The following WWOX variants were observed in gnomAD, a reference collection of about 807,000 sequenced individuals.
The protein encoded by WWOX is WW domain-containing oxidoreductase.
WWOX carries 69 observed loss-of-function variants against 46.2 expected under a neutral mutation model. That is an observed-to-expected ratio of 1.49 (90% CI 1.23 to 1.82). WWOX has a LOEUF of 1.82. WWOX is among the 40% of genes most tolerant of loss of function. WWOX has a pLI of 0.00. For synonymous variants in WWOX, 359 were observed against 202.6 expected (o/e 1.77, Z -6.56); for missense variants, 919 against 542.6 (o/e 1.69, Z -6.89).
intron 8 of WWOX, among the ~76,000 whole-genome samples, chr16:79,030,648 C>G (rs1302284907): frequency 2.0e-5 from 3 of 152,318 alleles, no homozygotes; most frequent in East Asian, 3.9e-4. Flanking sequence ...CTTTGTTTGG[C>G]TTTGAAGCAT....
At chr16:78,879,603 C>A (rs537451631) in intron 8 of WWOX, among the ~76,000 whole-genome samples, 11 of 152,244 alleles carry the variant, frequency 7.2e-5, no homozygotes, top group African/African-American at 2.6e-4. Flanking sequence ...CCTGGCTGGG[C>A]ATGATGGTTC....
At chr16:78,597,900 C>A (rs911587003) in intron 8 of WWOX, among the ~76,000 whole-genome samples, 3 of 151,782 alleles carry the variant, frequency 2.0e-5, no homozygotes, top group Non-Finnish European at 4.4e-5. Flanking sequence ...CATATCAGAG[C>A]CTTTTCAGAC....
Position 78,551,820 on chromosome 16 carries a change from G to C in WWOX, c.1056+119068G>C, listed in dbSNP as rs184463393. 3.9e-5 allele frequency: 6 copies of C among 152,264 alleles called. No individual in the cohort carries two copies. In the East Asian group the frequency reaches 5.8e-4, roughly 15 times the overall value. The allele number at this position is 152,264 out of a possible 1,614,324, so 9.4% of individuals were successfully genotyped here. On this transcript the variant is annotated intron_variant, in intron 8 of 8. Transcript: ENST00000566780. ...CATGATTGCTCTTCATTTTACGCTC[G>C]AGATCAAAATAAACAGAAACCACTT...
At chr16:78,962,319 TTTTTTTTAAA>T (rs1264129045) in intron 8 of WWOX, among the ~76,000 whole-genome samples, 3,345 of 98,640 alleles carry the variant, frequency 0.034, 169 homozygotes, top group African/African-American at 0.12. Context: ...TTTTTTTTTT[TTTTTTTTAAA>T]AAAAAAAAAA....
chr16:79,048,220 C>T (rs1244612828), intron 8 of WWOX, among the ~76,000 whole-genome samples: 1 of 152,176 alleles, frequency 6.6e-6, no homozygotes, highest in African/African-American at 2.4e-5. Flanking sequence ...CAGGAGGGAG[C>T]TGACCTGTGT....
chr16:78,255,234 T>C (rs1269404136), intron 5 of WWOX, among the ~76,000 whole-genome samples: 2 of 152,220 alleles, frequency 1.3e-5, no homozygotes, highest in East Asian at 1.9e-4. Context: ...AGTCAGTTTC[T>C]GGCACACTAT....
At chr16:79,123,697 C>T (rs2049689209) in intron 8 of WWOX, among the ~76,000 whole-genome samples, 1 of 152,156 alleles carries the variant, frequency 6.6e-6, no homozygotes, top group South Asian at 2.1e-4. Flanking sequence ...GACCCTTTAC[C>T]TGTCAGCTGT....
At chr16:78,309,051 G>A (rs2080185421) in intron 5 of WWOX, among the ~76,000 whole-genome samples, 1 of 152,124 alleles carries the variant, frequency 6.6e-6, no homozygotes, top group African/African-American at 2.4e-5. Context: ...GATCTCAGGT[G>A]TTTAGTTAAT....
At chr16:78,982,198 A>C (rs890450824) in intron 8 of WWOX, among the ~76,000 whole-genome samples, 4 of 152,240 alleles carry the variant, frequency 2.6e-5, no homozygotes, top group Non-Finnish European at 5.9e-5. Context: ...TTTCGTGCAC[A>C]CACGCCTAAG....
chr16:78,520,850 C>T (rs2043332696), intron 8 of WWOX, among the ~76,000 whole-genome samples: 2 of 152,062 alleles, frequency 1.3e-5, no homozygotes, highest in Admixed American at 6.5e-5. Context: ...TCAGGGGAGC[C>T]TTGGTTGTAT....
At chr16:78,736,805 C>T (rs2049102830) in intron 8 of WWOX, among the ~76,000 whole-genome samples, 1 of 152,120 alleles carries the variant, frequency 6.6e-6, no homozygotes, top group Non-Finnish European at 1.5e-5. Context: ...CACTGAGTCT[C>T]ACCGTCTTGC....
At chr16:78,551,044 C>G (rs2044160609) in intron 8 of WWOX, 1 of 152,082 alleles carries the variant, frequency 6.6e-6, no homozygotes, top group Non-Finnish European at 1.5e-5. Context: ...TTCCATGAAA[C>G]AAGTATCGTG....
intron 8 of WWOX, among the ~76,000 whole-genome samples, chr16:78,805,320 T>G (rs1211907417): frequency 6.6e-6 from 1 of 152,106 alleles, no homozygotes; most frequent in Admixed American, 6.5e-5. Context: ...TGGCGCCATC[T>G]CAGGATCTCG....
intron 8 of WWOX, among the ~76,000 whole-genome samples, chr16:78,801,057 C>G (rs867529348): frequency 1.4e-4 from 20 of 145,822 alleles, no homozygotes; most frequent in African/African-American, 3.3e-4. Context: ...CTCTCTACCT[C>G]TTTTTTTTTT....
At chr16:78,247,213 G>A (rs891441098) in intron 5 of WWOX, among the ~76,000 whole-genome samples, 6 of 151,962 alleles carry the variant, frequency 3.9e-5, no homozygotes, top group South Asian at 4.2e-4. Flanking sequence ...GGGTGTGGCC[G>A]CCCCCCTGCC....
At chr16:78,979,009 C>G (rs779089170) in intron 8 of WWOX, among the ~76,000 whole-genome samples, 34 of 152,186 alleles carry the variant, frequency 2.2e-4, no homozygotes, top group Non-Finnish European at 4.6e-4. Flanking sequence ...CTATGAGGAC[C>G]AGCATCGACC....
chr16:78,588,165 G>A (rs1212194037), intron 8 of WWOX, among the ~76,000 whole-genome samples: 3 of 152,142 alleles, frequency 2.0e-5, no homozygotes, highest in Non-Finnish European at 4.4e-5. Flanking sequence ...TGGATAAATG[G>A]TGAAGTTTCC....
In WWOX at chr16:78,851,734, C is replaced by A. The variant is rs566010419; in HGVS notation, c.1057-359874C>A. On this transcript the variant is annotated intron_variant, in intron 8 of 8. Coordinates refer to ENST00000566780, the MANE Select transcript of WWOX (RefSeq NM_016373.4). ...ATTTTTTATTTTCAAATGAAGTGGA[C>A]CTCCCCTAAATTTTGTGCCCAGTTT... 2.6e-5 allele frequency among the ~76,000 whole-genome samples: 4 copies of A among 152,296 alleles called. 1 individual carries two copies. In the East Asian group the frequency reaches 7.7e-4, roughly 29 times the overall value.
chr16:78,792,778 C>T (rs928490201), intron 8 of WWOX, among the ~76,000 whole-genome samples: 1 of 152,040 alleles, frequency 6.6e-6, no homozygotes, highest in Non-Finnish European at 1.5e-5. Flanking sequence ...GTGGGAAAGC[C>T]AAGGAAGGCC....
Sources: allele counts gnomAD v4.1 joint callset (sites outside exome capture counted in the v4.1 genomes callset), GRCh38; gene constraint gnomAD v4.1.1; transcripts MANE v1.5; gene names NCBI Gene and HGNC (gene_info 2026-07-23, HGNC 2026-07-21).